Variants in TLK1 observed in about 807,000 individuals in gnomAD.
TLK1 encodes the protein tousled like kinase 1.
In TLK1, 24 loss-of-function variants were observed where a neutral mutation model predicts 105.3. The ratio of observed to expected loss-of-function variants is 0.23; its 90% CI spans 0.17 to 0.32. The LOEUF is 0.32. Ranked by LOEUF, TLK1 falls within the 10% of genes least tolerant of loss-of-function variation. TLK1 has a pLI of 1.00. For synonymous variants in TLK1, 321 were observed against 310.4 expected (o/e 1.03, Z -0.36); for missense variants, 558 against 910.5 (o/e 0.61, Z 4.98).
intron 1 of TLK1, among the ~76,000 whole-genome samples, chr2:171,131,103 ATATC>A (rs1480462544): frequency 7.5e-6 from 1 of 133,122 alleles, no homozygotes; most frequent in Non-Finnish European, 1.8e-5. Flanking sequence ...AGAGATCTAT[ATATC>A]TATATATAGA....
At chr2:171,200,816 A>G (rs977519445) in intron 1 of TLK1, among the ~76,000 whole-genome samples, 1 of 151,790 alleles carries the variant, frequency 6.6e-6, no homozygotes, top group African/African-American at 2.4e-5. Flanking sequence ...TATTATTTTT[A>G]TTAATCTAAA....
chr2:171,069,383 T>C (rs942228610), intron 3 of TLK1, among the ~76,000 whole-genome samples: 3 of 152,334 alleles, frequency 2.0e-5, no homozygotes, highest in South Asian at 2.1e-4. Flanking sequence ...TCTAGCTCCA[T>C]TGGTAACAGG....
At chr2:171,073,044 T>C (rs1346356954) in intron 3 of TLK1, among the ~76,000 whole-genome samples, 5 of 152,110 alleles carry the variant, frequency 3.3e-5, no homozygotes, top group Admixed American at 3.3e-4. Flanking sequence ...CATATAGAAA[T>C]GCTACTTTTT....
At chr2:171,063,995 T>G (rs1407835563) in intron 3 of TLK1, among the ~76,000 whole-genome samples, 1 of 152,218 alleles carries the variant, frequency 6.6e-6, no homozygotes, top group Non-Finnish European at 1.5e-5. Flanking sequence ...ATAGATTACT[T>G]CGTGAAGCCT....
intron 1 of TLK1, among the ~76,000 whole-genome samples, chr2:171,145,597 A>C (rs947685143): frequency 2.0e-5 from 3 of 151,610 alleles, no homozygotes; most frequent in Non-Finnish European, 4.4e-5. Context: ...CTCAAAAAAA[A>C]AAAAACAAAA....
intron 11 of TLK1, among the ~76,000 whole-genome samples, chr2:171,040,091 G>A (rs953042449): frequency 1.3e-5 from 2 of 151,140 alleles, no homozygotes; most frequent in African/African-American, 2.4e-5. Context: ...TAGAGAAAAA[G>A]AATAAAATAA....
intron 11 of TLK1, among the ~76,000 whole-genome samples, chr2:171,041,760 T>C (rs1686688560): frequency 6.6e-6 from 1 of 152,162 alleles, no homozygotes; most frequent in Non-Finnish European, 1.5e-5. Context: ...CTGTACTACA[T>C]AATAGTAACT....
chr2:171,201,779 T>C (rs1401657815), intron 1 of TLK1, among the ~76,000 whole-genome samples: 1 of 152,218 alleles, frequency 6.6e-6, no homozygotes, highest in Admixed American at 6.5e-5. Context: ...ACGCACGGTC[T>C]CTGCAGGTCT....
intron 12 of TLK1, among the ~76,000 whole-genome samples, chr2:171,016,930 T>C (rs1328022666): frequency 6.6e-6 from 1 of 152,140 alleles, no homozygotes; most frequent in African/African-American, 2.4e-5. Flanking sequence ...GATAAATCTT[T>C]CTACAAGTAT....
At chr2:171,059,021 A>G (rs1284137293) in intron 4 of TLK1, among the ~76,000 whole-genome samples, 1 of 152,222 alleles carries the variant, frequency 6.6e-6, no homozygotes, top group East Asian at 1.9e-4. Context: ...TACTAAGATG[A>G]AAAACAGTAT....
chr2:171,172,980 C>T (rs1184682846), intron 1 of TLK1, among the ~76,000 whole-genome samples: 1 of 152,126 alleles, frequency 6.6e-6, no homozygotes, highest in African/African-American at 2.4e-5. Context: ...AACTGTATAA[C>T]ATACATATAT....
intron 4 of TLK1, among the ~76,000 whole-genome samples, chr2:171,058,464 G>C (rs2555920): frequency 6.6e-6 from 1 of 151,962 alleles, no homozygotes. Context: ...AAAAAGTAGC[G>C]ACTGCATCAC....
intron 1 of TLK1, among the ~76,000 whole-genome samples, chr2:171,130,989 A>G (rs1691082457): frequency 6.7e-6 from 1 of 150,262 alleles, no homozygotes. Flanking sequence ...AAATTTTAAG[A>G]TTCTAATAAT....
intron 1 of TLK1, among the ~76,000 whole-genome samples, chr2:171,130,775 T>C (rs539153532): frequency 1.1e-4 from 17 of 152,150 alleles, no homozygotes; most frequent in African/African-American, 3.6e-4. Flanking sequence ...CTGCTCTACA[T>C]GTCCACGTAG....
intron 1 of TLK1, among the ~76,000 whole-genome samples, chr2:171,119,859 T>C (rs546253045): frequency 6.6e-6 from 1 of 152,274 alleles, no homozygotes; most frequent in South Asian, 2.1e-4. Flanking sequence ...ACCTAAAACT[T>C]TCTAACTCTT....
intron 11 of TLK1, among the ~76,000 whole-genome samples, chr2:171,039,144 G>A (rs1183266921): frequency 6.6e-6 from 1 of 152,038 alleles, no homozygotes; most frequent in African/African-American, 2.4e-5. Flanking sequence ...GTGTTTGCCT[G>A]TCTTTTCTAA....
intron 3 of TLK1, among the ~76,000 whole-genome samples, chr2:171,080,073 T>C (rs1688680782): frequency 6.6e-6 from 1 of 151,860 alleles, no homozygotes. Flanking sequence ...GGCTTACGCC[T>C]ATAATCCCAG....
intron 2 of TLK1, among the ~76,000 whole-genome samples, chr2:171,108,682 C>A (rs1044555033): frequency 6.6e-6 from 1 of 152,000 alleles, no homozygotes; most frequent in African/African-American, 2.4e-5. Context: ...CAGCTCACTG[C>A]AGCCTCAACC....
intron 2 of TLK1, among the ~76,000 whole-genome samples, chr2:171,108,203 G>T (rs1232676831): frequency 6.6e-6 from 1 of 151,934 alleles, no homozygotes; most frequent in Admixed American, 6.6e-5. Flanking sequence ...GAATATGATG[G>T]CATTCTTTAT....
Sources: gnomAD v4.1 joint callset for allele counts (sites outside exome capture counted in the v4.1 genomes callset) on GRCh38, gnomAD v4.1.1 for gene constraint, MANE v1.5 for transcripts, NCBI Gene and HGNC (gene_info 2026-07-23, HGNC 2026-07-21) for gene names.